DOCK5: variants seen among roughly 807,000 people sequenced by gnomAD.
The protein encoded by DOCK5 is dedicator of cytokinesis 5.
Under a neutral mutation model 251.8 loss-of-function variants are expected in DOCK5, and 142 were observed. The observed-to-expected ratio is 0.56, with a 90% confidence interval of 0.49 to 0.65. The LOEUF is 0.65. Among genes scored for constraint, DOCK5 ranks in the 30% least tolerant of loss-of-function variants. The pLI is 0.00. For missense variants in DOCK5, 2,111 were observed against 2,312.3 expected, an observed-to-expected ratio of 0.91 and a Z score of 1.79; for synonymous variants, 842 against 835.5, an observed-to-expected ratio of 1.01 and a Z score of -0.13.
intron 1 of DOCK5, among the ~76,000 whole-genome samples, chr8:25,200,518 G>A (rs1005902190): frequency 3.9e-5 from 6 of 152,186 alleles, no homozygotes; most frequent in Non-Finnish European, 7.4e-5. Context: ...TTCAAAAAAT[G>A]ATACTGAGTC....
chr8:25,242,419 T>C (rs1360738886), intron 1 of DOCK5, among the ~76,000 whole-genome samples: 1 of 152,240 alleles, frequency 6.6e-6, no homozygotes, highest in African/African-American at 2.4e-5. Flanking sequence ...GGCTGTATCA[T>C]GTTACATTCC....
At chr8:25,308,955 C>G (rs1805018705) in intron 12 of DOCK5, 30 bp downstream of exon 12, 1 of 1,526,568 alleles carries the variant, frequency 6.6e-7, no homozygotes, top group Non-Finnish European at 9.0e-7. Flanking sequence ...CTGGGAGGGA[C>G]TCTGCTGAGG....
intron 27 of DOCK5, among the ~76,000 whole-genome samples, chr8:25,357,069 A>G (rs73562326): frequency 0.013 from 1,907 of 151,878 alleles, 35 homozygotes; most frequent in African/African-American, 0.043. Flanking sequence ...TAGTAGAAAA[A>G]TGAGTAAAGA....
In DOCK5 at chr8:25,410,130, G is replaced by C; in HGVS notation, c.5436G>C (p.Ala1812=). 1.2e-6 allele frequency: 2 copies of C among 1,613,356 alleles called. No homozygotes were observed. Among genetic ancestry groups the C allele is most frequent in the Non-Finnish European group, 1.7e-6 (2 of 1,179,748 alleles). Residue 1812 remains alanine, a synonymous_variant, in exon 51 of 52, where the codon GCG becomes GCC. Coordinates refer to ENST00000276440, the MANE Select transcript of DOCK5 (RefSeq NM_024940.8). ...CATCGTTGCAGACAGATGGAATCGCGGCCACTCCTGTCCCACCTCCACCTC... is the reference window on the plus strand; with the variant it reads ...CATCGTTGCAGACAGATGGAATCGCCGCCACTCCTGTCCCACCTCCACCTC... The part of the protein sequence containing the change: ...SSPSLQTDGI[A]ATPVPPPPPP...
chr8:25,242,782 C>T (rs1333285654), intron 1 of DOCK5, among the ~76,000 whole-genome samples: 1 of 152,138 alleles, frequency 6.6e-6, no homozygotes, highest in Non-Finnish European at 1.5e-5. Flanking sequence ...CTGGGGTAAC[C>T]CAGTTGCCCA....
intron 1 of DOCK5, among the ~76,000 whole-genome samples, chr8:25,236,174 A>G (rs1802792303): frequency 6.6e-6 from 1 of 152,146 alleles, no homozygotes; most frequent in African/African-American, 2.4e-5. Flanking sequence ...TAGAAAATGA[A>G]GTTAAGAATC....
chr8:25,391,882 T>C lies in DOCK5; in HGVS notation c.4356-14T>C. Reference sequence around the variant, plus strand: ...TAAGAGAGAAAAATACAGCATTGCTTTGTCCTTCTCCAGCTACTACAGAGC... The same window carrying C: ...TAAGAGAGAAAAATACAGCATTGCTCTGTCCTTCTCCAGCTACTACAGAGC... On this transcript the variant is annotated splice_polypyrimidine_tract_variant and intron_variant, in intron 42 of 51. Transcript: ENST00000276440. The C allele has an allele frequency of 1.2e-6, 2 of 1,613,006 alleles. No individual in the cohort carries two copies. The highest frequency in any genetic ancestry group is 1.7e-6 in the Non-Finnish European group (2 of 1,179,342).
intron 27 of DOCK5, among the ~76,000 whole-genome samples, chr8:25,357,717 G>A (rs975306951): frequency 1.3e-5 from 2 of 152,080 alleles, no homozygotes; most frequent in African/African-American, 4.8e-5. Flanking sequence ...ACAGTCTAAG[G>A]CATACGTTCA....
At chr8:25,379,562 T>C (rs1157367362) in intron 38 of DOCK5, among the ~76,000 whole-genome samples, 3 of 152,182 alleles carry the variant, frequency 2.0e-5, no homozygotes, top group African/African-American at 7.2e-5. Flanking sequence ...CAAACGCACA[T>C]GTTTTACAAT....
At chr8:25,373,841 C>G (rs986659692) in intron 36 of DOCK5, among the ~76,000 whole-genome samples, 183 bp downstream of exon 36, 1 of 152,146 alleles carries the variant, frequency 6.6e-6, no homozygotes, top group Non-Finnish European at 1.5e-5. Flanking sequence ...ATAAGTACGA[C>G]AGGAAGGAGT....
At chr8:25,343,940 G>A (rs544853996) in intron 25 of DOCK5, among the ~76,000 whole-genome samples, 1 of 152,128 alleles carries the variant, frequency 6.6e-6, no homozygotes, top group South Asian at 2.1e-4. Flanking sequence ...CAAGTAGCTG[G>A]GATTACAGGT....
At chr8:25,311,543 CAAA>C (rs775794833) in intron 13 of DOCK5, among the ~76,000 whole-genome samples, 1 of 98,416 alleles carries the variant, frequency 1.0e-5, no homozygotes. Flanking sequence ...AACTCTGTCT[CAAA>C]AAAAAAAAAA....
At chr8:25,299,295 T>C (rs1804697834) in intron 8 of DOCK5, 194 bp downstream of exon 8, 3 of 552,714 alleles carry the variant, frequency 5.4e-6, no homozygotes, top group Non-Finnish European at 9.1e-6. Flanking sequence ...TGAGGCCAGT[T>C]TGTATACTCT....
At chr8:25,301,383 G>T (rs554748339) in intron 9 of DOCK5, among the ~76,000 whole-genome samples, 1 of 152,290 alleles carries the variant, frequency 6.6e-6, no homozygotes, top group South Asian at 2.1e-4. Flanking sequence ...ATATCTTGGA[G>T]ACCTGAGTTA....
intron 18 of DOCK5, among the ~76,000 whole-genome samples, chr8:25,331,233 A>T (rs1274231704): frequency 1.0e-5 from 1 of 98,830 alleles, no homozygotes; most frequent in African/African-American, 4.4e-5. Context: ...TCTCTGTGAC[A>T]CACACACACA....
chr8:25,322,101 T>C (rs1805438665), intron 16 of DOCK5, among the ~76,000 whole-genome samples: 1 of 152,174 alleles, frequency 6.6e-6, no homozygotes, highest in African/African-American at 2.4e-5. Flanking sequence ...TCGCACTGCA[T>C]AAAAATGTAA....
chr8:25,407,789 C>T (rs930285247), intron 48 of DOCK5, among the ~76,000 whole-genome samples, 194 bp from the exon 49 acceptor site: 1 of 149,472 alleles, frequency 6.7e-6, no homozygotes, highest in Non-Finnish European at 1.5e-5. Flanking sequence ...CCCAGCCACT[C>T]AGAAGTCAAG....
chr8:25,252,619 C>A (rs1803300948), intron 2 of DOCK5, among the ~76,000 whole-genome samples: 1 of 152,220 alleles, frequency 6.6e-6, no homozygotes, highest in East Asian at 1.9e-4. Context: ...ACCTTAAGTA[C>A]AGCTTGTGAG....
intron 46 of DOCK5, 146 bp downstream of exon 46, chr8:25,400,140 T>C (rs919315791): frequency 5.0e-5 from 33 of 658,252 alleles, no homozygotes; most frequent in Admixed American, 3.2e-4. Context: ...TCTATGTATT[T>C]GTTTGCTCGG....
Sources: allele counts gnomAD v4.1 joint callset (sites outside exome capture counted in the v4.1 genomes callset), GRCh38; gene constraint gnomAD v4.1.1; transcripts MANE v1.5; gene names NCBI Gene and HGNC (gene_info 2026-07-23, HGNC 2026-07-21).